The following MAP4K5 variants were observed in gnomAD, a reference collection of about 807,000 sequenced individuals.
The protein encoded by MAP4K5 is MAPK/ERK kinase kinase kinase 5.
Under a neutral mutation model 135.6 loss-of-function variants are expected in MAP4K5, and 82 were observed. That is an observed-to-expected ratio of 0.60 (90% confidence interval 0.51 to 0.73). MAP4K5 has a LOEUF of 0.73. Among genes scored for constraint, MAP4K5 ranks in the 30% least tolerant of loss-of-function variants. The pLI is 0.00. For missense variants in MAP4K5, 907 were observed against 1,010.9 expected (o/e 0.90, Z 1.39); for synonymous variants, 347 against 335.0 (o/e 1.04, Z -0.39).
intron 8 of MAP4K5, 93 bp from the exon 9 acceptor site, chr14:50,475,242 C>A: frequency 1.1e-6 from 1 of 875,282 alleles, no homozygotes. Context: ...ATTAATAATT[C>A]AAATATTAAT....
chr14:50,533,640 C>T (rs760858451), upstream of MAP4K5, among the ~76,000 whole-genome samples: 1 of 152,048 alleles, frequency 6.6e-6, no homozygotes, highest in Non-Finnish European at 1.5e-5. Context: ...ACAGAAAAGC[C>T]AGATAACACT....
chr14:50,545,221 T>C (rs1430028442), intron 1 of MAP4K5, among the ~76,000 whole-genome samples: 1 of 152,248 alleles, frequency 6.6e-6, no homozygotes, highest in African/African-American at 2.4e-5. Flanking sequence ...TCTAGAGCTG[T>C]CCTGCTGCTG....
intron 2 of MAP4K5, among the ~76,000 whole-genome samples, chr14:50,512,647 C>A (rs1033416905): frequency 6.6e-6 from 1 of 152,066 alleles, no homozygotes; most frequent in Non-Finnish European, 1.5e-5. Context: ...ATTTTTAAAA[C>A]AGAGAGCAGT....
intron 1 of MAP4K5, among the ~76,000 whole-genome samples, chr14:50,555,968 G>C (rs180975683): frequency 6.6e-6 from 1 of 152,144 alleles, no homozygotes; most frequent in Non-Finnish European, 1.5e-5. Context: ...AGGAAAATGA[G>C]CATGGTGAAA....
intron 12 of MAP4K5, among the ~76,000 whole-genome samples, chr14:50,463,151 T>C (rs1235376902): frequency 6.6e-6 from 1 of 152,220 alleles, no homozygotes; most frequent in African/African-American, 2.4e-5. Flanking sequence ...AAAAAGCATG[T>C]ATATCATATA....
chr14:50,524,665 T>C (rs776081199), intron 2 of MAP4K5, among the ~76,000 whole-genome samples: 2 of 147,966 alleles, frequency 1.4e-5, no homozygotes, highest in African/African-American at 5.0e-5. Flanking sequence ...GGCGATAAGA[T>C]GGAAGAGAAA....
rs1463077175 is a variant in MAP4K5 at position 50,434,520 on chromosome 14, T to G, written c.2038A>C (p.Ile680Leu). 1 of 1,604,742 alleles carries G rather than the reference T, an allele frequency of 6.2e-7. No individual in the cohort carries two copies. The change falls in exon 28 of 33, where the codon ATA (isoleucine) becomes CTA (leucine). Residue 680 changes from isoleucine (I) to leucine (L), a missense_variant. This residue lies in a region of MAP4K5 where 690 missense variants were observed against 777.4 expected (regional missense o/e 0.89). Coordinates refer to ENST00000682126, the MANE Select transcript of MAP4K5 (RefSeq NM_006575.6). ...ACCATAGGGTATTCCTGTTCAGGTA[T>G]CACCAGCATTTCAAAAACATTCAAA... ...SPLNVFEMLVIPEQEYPMVCV... is the reference protein window; with the variant it reads ...SPLNVFEMLVLPEQEYPMVCV...
At chr14:50,536,072 A>G (rs891098905), upstream of MAP4K5, among the ~76,000 whole-genome samples, 1 of 152,220 alleles carries the variant, frequency 6.6e-6, no homozygotes, top group Non-Finnish European at 1.5e-5. Context: ...ATGGAACTGT[A>G]AGTCCAATTA....
At chr14:50,495,913 G>T (rs2037581207) in intron 3 of MAP4K5, among the ~76,000 whole-genome samples, 1 of 152,208 alleles carries the variant, frequency 6.6e-6, no homozygotes. Flanking sequence ...TGGGGAGGCA[G>T]CAAAGAGTTG....
chr14:50,468,709 T>C lies in MAP4K5; in HGVS notation c.616A>G (p.Ile206Val). ...AGTTCTCCAAGTTCAATTGCTGTTATTCCTACTGCCCAGATATCACAGAGT... is the reference window on the plus strand; with the variant it reads ...AGTTCTCCAAGTTCAATTGCTGTTACTCCTACTGCCCAGATATCACAGAGT... ...NQLCDIWAVGITAIELGELQP... is the reference protein window; with the variant it reads ...NQLCDIWAVGVTAIELGELQP... The change falls in exon 10 of 33, where the codon ATA becomes GTA. Residue 206 changes from isoleucine to valine, a missense_variant. This residue lies in a region of MAP4K5 where 690 missense variants were observed against 777.4 expected (regional missense o/e 0.89). Coordinates refer to ENST00000682126, the MANE Select transcript of MAP4K5 (RefSeq NM_006575.6). 1 of 1,613,306 alleles carries C rather than the reference T, an allele frequency of 6.2e-7. No homozygotes were observed. Among genetic ancestry groups the C allele is most frequent in the Non-Finnish European group, 8.5e-7 (1 of 1,179,502 alleles).
chr14:50,532,265 G>T, intron 1 of MAP4K5, 107 bp from the exon 2 acceptor site: 1 of 497,648 alleles, frequency 2.0e-6, no homozygotes, highest in Non-Finnish European at 3.5e-6. Flanking sequence ...AGGGGCCGTG[G>T]AAGAGAAAGG....
intron 1 of MAP4K5, among the ~76,000 whole-genome samples, chr14:50,549,352 A>G (rs2038673915): frequency 6.6e-6 from 1 of 152,210 alleles, no homozygotes; most frequent in Non-Finnish European, 1.5e-5. Flanking sequence ...CTCTATGCAG[A>G]TATTCTAGCA....
chr14:50,447,310 T>C lies in MAP4K5; in HGVS notation c.1142+104A>G, dbSNP rs79612217. The C allele has an allele frequency of 0.022, 15,545 of 691,274 alleles. 236 individuals carry two copies. Among genetic ancestry groups the C allele is most frequent in the East Asian group, 0.065 (2,188 of 33,420 alleles). 42.8% of individuals were successfully genotyped at this position (691,274 alleles called of 1,614,324 possible). On this transcript the variant is annotated intron_variant, in intron 16 of 32. Coordinates refer to ENST00000682126, the MANE Select transcript of MAP4K5 (RefSeq NM_006575.6). ...GCTTTACCTTCATTAATGGCATAAC[T>C]TTTTCAAGAATGCAAATTAAAGCTT... is the stretch of plus-strand genomic sequence containing the variant.
intron 14 of MAP4K5, 42 bp from the exon 15 acceptor site, chr14:50,448,874 A>G (rs1370745225): frequency 9.8e-7 from 1 of 1,017,448 alleles, no homozygotes; most frequent in Non-Finnish European, 1.5e-6. Context: ...CAGCATCTCA[A>G]AGGGTTGATC....
chr14:50,509,373 T>C (rs1039366679), intron 2 of MAP4K5, among the ~76,000 whole-genome samples: 6 of 152,210 alleles, frequency 3.9e-5, no homozygotes, highest in African/African-American at 9.7e-5. Context: ...AAAGTATTAA[T>C]TGTGTATTAT....
intron 3 of MAP4K5, among the ~76,000 whole-genome samples, chr14:50,499,231 GA>G (rs747821517): frequency 6.6e-6 from 1 of 151,978 alleles, no homozygotes; most frequent in African/African-American, 2.4e-5. Context: ...ATGAAAGGGG[GA>G]AAAAAGAGTA....
intron 2 of MAP4K5, among the ~76,000 whole-genome samples, chr14:50,521,709 G>A (rs2038155884): frequency 6.6e-6 from 1 of 152,188 alleles, no homozygotes; most frequent in Non-Finnish European, 1.5e-5. Context: ...TCCAAGGACA[G>A]ATCTGACTAT....
intron 28 of MAP4K5, among the ~76,000 whole-genome samples, chr14:50,431,427 A>C (rs975062393): frequency 9.2e-5 from 14 of 151,878 alleles, no homozygotes; most frequent in African/African-American, 3.4e-4. Flanking sequence ...AACAGTCCCC[A>C]GAGTGTGATG....
chr14:50,426,081 G>T, intron 30 of MAP4K5, 104 bp from the exon 31 acceptor site: 1 of 687,248 alleles, frequency 1.5e-6, no homozygotes, highest in Non-Finnish European at 2.4e-6. Flanking sequence ...CAAGTGTCTA[G>T]TGCAAAATTC....
Sources: gnomAD v4.1 joint callset for allele counts (sites outside exome capture counted in the v4.1 genomes callset) on GRCh38, gnomAD v4.1.1 for gene constraint, gnomAD v4.1.1 regional missense constraint, MANE v1.5 for transcripts, NCBI Gene and HGNC (gene_info 2026-07-23, HGNC 2026-07-21) for gene names.